The following NOMO2 variants were observed in gnomAD, a reference collection of about 807,000 sequenced individuals.
NOMO2 encodes the protein BOS complex subunit NOMO2.
A neutral mutation model predicts 67.1 loss-of-function variants in NOMO2; 14 were observed. The ratio of observed to expected loss-of-function variants is 0.21; its 90% confidence interval spans 0.14 to 0.33. NOMO2 has a LOEUF of 0.33. Ranked by LOEUF, NOMO2 falls within the 10% of genes least tolerant of loss-of-function variation. NOMO2 has a pLI of 1.00. For synonymous variants in NOMO2, 80 were observed against 305.9 expected (o/e 0.26, Z 7.71); for missense variants, 178 against 761.0 (o/e 0.23, Z 9.01).
At chr16:18,560,557 T>C (rs1029304534) in intron 1 of NOMO2, among the ~76,000 whole-genome samples, 1 of 151,698 alleles carries the variant, frequency 6.6e-6, no homozygotes, top group South Asian at 2.1e-4. Flanking sequence ...CAGGAAATCC[T>C]AGGAGCCCTG....
At chr16:18,529,128 C>G (rs1012330629) in intron 15 of NOMO2, among the ~76,000 whole-genome samples, 3 of 144,072 alleles carry the variant, frequency 2.1e-5, no homozygotes, top group African/African-American at 7.5e-5. Context: ...CTGCCATAAC[C>G]CTGAGAAGTA....
At chr16:18,552,832 G>C (rs1901819232) in intron 3 of NOMO2, among the ~76,000 whole-genome samples, 1 of 151,964 alleles carries the variant, frequency 6.6e-6, no homozygotes, top group Non-Finnish European at 1.5e-5. Context: ...TTACTCCTGT[G>C]ATACACTCAG....
chr16:18,560,637 G>T (rs936103812), intron 1 of NOMO2, among the ~76,000 whole-genome samples: 1 of 151,776 alleles, frequency 6.6e-6, no homozygotes, highest in Non-Finnish European at 1.5e-5. Flanking sequence ...AGCAAACAAC[G>T]GGGCCTTGAA....
At chr16:18,539,313 T>A (rs1250530620) in intron 9 of NOMO2, among the ~76,000 whole-genome samples, 1 of 151,244 alleles carries the variant, frequency 6.6e-6, no homozygotes, top group Non-Finnish European at 1.5e-5. Context: ...GTGAACCACG[T>A]CTTCCTCCAG....
At chr16:18,540,059 A>C (rs1901514468) in intron 9 of NOMO2, among the ~76,000 whole-genome samples, 1 of 151,610 alleles carries the variant, frequency 6.6e-6, no homozygotes, top group Non-Finnish European at 1.5e-5. Context: ...TTTCTGTCTT[A>C]GTCACCTGGT....
chr16:18,559,520 C>G (rs959890146), intron 1 of NOMO2, among the ~76,000 whole-genome samples: 1 of 151,970 alleles, frequency 6.6e-6, no homozygotes, highest in African/African-American at 2.4e-5. Context: ...GGAAAGGACT[C>G]GTGTGAAATA....
At chr16:18,559,028 T>C (rs1901978068) in intron 1 of NOMO2, among the ~76,000 whole-genome samples, 1 of 151,746 alleles carries the variant, frequency 6.6e-6, no homozygotes, top group Non-Finnish European at 1.5e-5. Context: ...CTAGGCATGA[T>C]GGCACGTGCC....
At chr16:18,547,847 T>C (rs976749932) in intron 5 of NOMO2, among the ~76,000 whole-genome samples, 118 of 150,886 alleles carry the variant, frequency 7.8e-4, no homozygotes, top group South Asian at 1.7e-3. Context: ...TAAGTCATTC[T>C]GGGTTTTTGC....
intron 1 of NOMO2, among the ~76,000 whole-genome samples, chr16:18,559,036 G>A (rs1901978373): frequency 6.6e-6 from 1 of 151,736 alleles, no homozygotes; most frequent in African/African-American, 2.4e-5. Context: ...GATGGCACGT[G>A]CCTGTAGCCT....
At chr16:18,525,188 C>A (rs1433316434) in intron 16 of NOMO2, among the ~76,000 whole-genome samples, 1 of 149,498 alleles carries the variant, frequency 6.7e-6, no homozygotes, top group Non-Finnish European at 1.5e-5. Context: ...CTGCTGTTTT[C>A]ATTGCACTCA....
chr16:18,556,658 T>C (rs1901910894), intron 2 of NOMO2, among the ~76,000 whole-genome samples: 1 of 152,058 alleles, frequency 6.6e-6, no homozygotes, highest in South Asian at 2.1e-4. Flanking sequence ...TATGAATCTG[T>C]ATTTCCAAAT....
At chr16:18,541,744 A>T in intron 9 of NOMO2, among the ~76,000 whole-genome samples, 1 of 136,326 alleles carries the variant, frequency 7.3e-6, no homozygotes, top group South Asian at 2.7e-4. Context: ...CAACAGGCTG[A>T]GGTGGGAGGA....
intron 1 of NOMO2, among the ~76,000 whole-genome samples, chr16:18,561,194 A>AAAAAAAAAAAC (rs1902039179): frequency 7.3e-6 from 1 of 137,092 alleles, no homozygotes; most frequent in Non-Finnish European, 1.6e-5. Flanking sequence ...AAAAAAAAAA[A>AAAAAAAAAAAC]AAAAAAAAAA....
At chr16:18,543,215 G>T in intron 7 of NOMO2, among the ~76,000 whole-genome samples, 1 of 143,158 alleles carries the variant, frequency 7.0e-6, no homozygotes, top group Non-Finnish European at 1.5e-5. Context: ...GTCTCACTCT[G>T]TCACCCAGGC....
chr16:18,536,541 T>G (rs2561974), intron 11 of NOMO2, among the ~76,000 whole-genome samples: 60 of 152,050 alleles, frequency 3.9e-4, no homozygotes, highest in African/African-American at 9.4e-4. Flanking sequence ...GGTAGAGATG[T>G]TGTTTTCCCA....
chr16:18,543,760 TG>T lies in NOMO2; in HGVS notation c.591del (p.Thr198GlnfsTer4). On this transcript the variant is annotated frameshift_variant, in exon 7 of 31. Transcript: ENST00000622306. LOFTEE classifies it high-confidence loss of function. The part of the protein sequence containing the change: ...HPTWALKEAS[T>X]TVRVTNSNAN... ...GCATTGGAGTTGGTTACACGCACTG[TG>T]GTGCTTGCCTGTAACAGAAAAAGAT... The T allele has an allele frequency of 6.2e-7, 1 of 1,602,724 alleles. No homozygotes were observed. The highest frequency in any genetic ancestry group is 1.7e-5 in the Admixed American group (1 of 57,936).
At chr16:18,526,298 AC>A (rs1472046688) in intron 16 of NOMO2, among the ~76,000 whole-genome samples, 1 of 152,048 alleles carries the variant, frequency 6.6e-6, no homozygotes, top group Non-Finnish European at 1.5e-5. Flanking sequence ...AGAAACCGGA[AC>A]CCTCGTGCAT....
chr16:18,536,537 G>A lies in NOMO2; in HGVS notation c.1220+1989C>T, dbSNP rs145419207. On this transcript the variant is annotated intron_variant, in intron 11 of 30. Coordinates refer to ENST00000622306, the MANE Select transcript of NOMO2 (RefSeq NM_173614.4). ...AGCTAATTTTTGCATTTTTGGTAGA[G>A]ATGTTGTTTTCCCAAGTTGCCCAGG... is the stretch of plus-strand genomic sequence containing the variant. Among the ~76,000 whole-genome samples, 652 of 152,022 alleles carry A rather than the reference G, an allele frequency of 4.3e-3. 6 individuals are homozygous for A. In the Middle Eastern group the frequency reaches 0.044, roughly 10 times the overall value.
At chr16:18,537,214 C>CTGG in intron 11 of NOMO2, among the ~76,000 whole-genome samples, 1 of 152,156 alleles carries the variant, frequency 6.6e-6, no homozygotes, top group East Asian at 1.9e-4. Context: ...CAAATCTGAA[C>CTGG]CCTCATCACC....
Sources: allele counts gnomAD v4.1 joint callset (sites outside exome capture counted in the v4.1 genomes callset), GRCh38; gene constraint gnomAD v4.1.1; transcripts MANE v1.5; gene names NCBI Gene and HGNC (gene_info 2026-07-23, HGNC 2026-07-21).